SIL1: variants seen among roughly 807,000 people sequenced by gnomAD.
SIL1 encodes nucleotide exchange factor SIL1.
Under a neutral mutation model 49.1 loss-of-function variants are expected in SIL1, and 40 were observed. The observed-to-expected ratio is 0.81, with a 90% CI of 0.63 to 1.06. SIL1 has a LOEUF of 1.06. Among genes scored for constraint, SIL1 ranks in the 50% least tolerant of loss-of-function variants. The probability of loss-of-function intolerance (pLI) is 0.00; values close to 1 mark genes in which losing one functional copy is unlikely to be tolerated. For missense variants in SIL1, 500 were observed against 572.6 expected (o/e 0.87, Z 1.29); for synonymous variants, 253 against 250.8 (o/e 1.01, Z -0.08).
chr5:139,112,441 G>A (rs1389359478), intron 3 of SIL1, among the ~76,000 whole-genome samples: 2 of 151,076 alleles, frequency 1.3e-5, no homozygotes, highest in Non-Finnish European at 2.9e-5. Context: ...GATGTAGGGA[G>A]CGCCTCTGCC....
In SIL1 at chr5:139,054,174, G is replaced by C. The variant is rs181271623; in HGVS notation, c.245-3128C>G. ...CTCACACCTGTAATTCCAGCACTTT[G>C]GGAGGCCAAGGCAAGTGGATCACTT... On this transcript the variant is annotated intron_variant, in intron 3 of 9. Transcript: ENST00000394817. Among the ~76,000 whole-genome samples, 323 of 152,268 alleles carry C rather than the reference G, an allele frequency of 2.1e-3. 1 individual carries two copies. Among genetic ancestry groups the C allele is most frequent in the African/African-American group, 7.4e-3 (308 of 41,556 alleles).
chr5:139,102,172 A>G (rs1408649597), intron 3 of SIL1, among the ~76,000 whole-genome samples: 4 of 152,236 alleles, frequency 2.6e-5, no homozygotes, highest in Non-Finnish European at 5.9e-5. Flanking sequence ...TGGTATATTC[A>G]TACACTTGAA....
chr5:138,967,474 G>A (rs756162181), intron 7 of SIL1, among the ~76,000 whole-genome samples: 1 of 152,216 alleles, frequency 6.6e-6, no homozygotes, highest in Non-Finnish European at 1.5e-5. Flanking sequence ...GAAGACCCAG[G>A]CCGTGAGGGC....
At chr5:139,073,268 T>C (rs1769875481) in intron 3 of SIL1, among the ~76,000 whole-genome samples, 1 of 152,216 alleles carries the variant, frequency 6.6e-6, no homozygotes, top group Non-Finnish European at 1.5e-5. Flanking sequence ...GTTTACTACG[T>C]TATTCACAAT....
chr5:139,148,655 T>C (rs1169080630), intron 1 of SIL1, among the ~76,000 whole-genome samples: 1 of 152,158 alleles, frequency 6.6e-6, no homozygotes, highest in African/African-American at 2.4e-5. Flanking sequence ...TCCCACCGGG[T>C]CATGAATAAG....
chr5:139,112,797 G>A (rs1219437519), intron 3 of SIL1, among the ~76,000 whole-genome samples: 3 of 152,198 alleles, frequency 2.0e-5, no homozygotes, highest in Non-Finnish European at 2.9e-5. Context: ...TCTGGGAGGT[G>A]CACCCAACAG....
chr5:139,149,695 T>G (rs1251391041), intron 1 of SIL1, among the ~76,000 whole-genome samples: 3 of 152,014 alleles, frequency 2.0e-5, no homozygotes, highest in Non-Finnish European at 2.9e-5. Context: ...CTTTGATGAT[T>G]AAAAGAGGAA....
rs1004199330 is a variant in SIL1, at chr5:138,951,474, C to T, written c.865-139G>A. ...CCTCAGTTACAGCTATACCCCAGAA[C>T]CCAGGACTGTGAGGCCAGGAGGGAC... On this transcript the variant is annotated intron_variant, in intron 8 of 9. Coordinates refer to ENST00000394817, the MANE Select transcript of SIL1 (RefSeq NM_022464.5). 8 of 874,390 alleles carry T rather than the reference C, an allele frequency of 9.1e-6. No individual in the cohort carries two copies. In the African/African-American group the frequency reaches 1.3e-4, roughly 15 times the overall value. The allele number at this position is 874,390 out of a possible 1,614,324, so 54.2% of individuals were successfully genotyped here. A position where few individuals can be genotyped will look rare whatever the true frequency, so the allele number is the denominator to read the frequency against.
intron 5 of SIL1, among the ~76,000 whole-genome samples, chr5:139,040,120 T>C (rs1435029723): frequency 6.6e-6 from 1 of 152,202 alleles, no homozygotes; most frequent in African/African-American, 2.4e-5. Context: ...AGACACCACA[T>C]AGGCTAGGTT....
chr5:139,026,154 A>C (rs898874408), intron 6 of SIL1, among the ~76,000 whole-genome samples: 2 of 152,166 alleles, frequency 1.3e-5, no homozygotes, highest in African/African-American at 4.8e-5. Context: ...CCTCATTACA[A>C]TCTTAAATTA....
At chr5:139,186,339 CAA>C in intron 1 of SIL1, among the ~76,000 whole-genome samples, 1 of 152,144 alleles carries the variant, frequency 6.6e-6, no homozygotes, top group East Asian at 1.9e-4. Context: ...CAAACGCCCT[CAA>C]AAGTTTTCAA....
intron 5 of SIL1, chr5:139,034,467 G>A (rs2150439177): frequency 6.6e-6 from 1 of 151,402 alleles, no homozygotes; most frequent in East Asian, 1.9e-4. Flanking sequence ...ATTCCTTTTT[G>A]GATTACCTAT....
intron 1 of SIL1, among the ~76,000 whole-genome samples, chr5:139,170,749 C>G (rs995340202): frequency 5.9e-5 from 9 of 151,722 alleles, no homozygotes; most frequent in Admixed American, 2.0e-4. Context: ...CGTCTCCGCC[C>G]GGCAGCCACC....
chr5:138,998,444 A>C (rs1314149457), intron 7 of SIL1, among the ~76,000 whole-genome samples: 1 of 152,214 alleles, frequency 6.6e-6, no homozygotes, highest in Non-Finnish European at 1.5e-5. Context: ...CTGGGATAAT[A>C]AGCGTGAGCC....
intron 1 of SIL1, among the ~76,000 whole-genome samples, chr5:139,183,368 G>A (rs1177498122): frequency 6.6e-6 from 1 of 152,204 alleles, no homozygotes; most frequent in East Asian, 1.9e-4. Flanking sequence ...GTCCTTAGAA[G>A]CAAATGAGCC....
chr5:138,979,759 G>A (rs1290120595), intron 7 of SIL1, among the ~76,000 whole-genome samples: 1 of 152,208 alleles, frequency 6.6e-6, no homozygotes, highest in Non-Finnish European at 1.5e-5. Context: ...TTGCCAGGAG[G>A]CAGGGGTGAA....
intron 9 of SIL1, among the ~76,000 whole-genome samples, 154 bp downstream of exon 9, chr5:138,951,017 C>T (rs1766759104): frequency 6.6e-6 from 1 of 152,216 alleles, no homozygotes; most frequent in African/African-American, 2.4e-5. Flanking sequence ...TCCCTGACGT[C>T]CCCAATCTCT....
chr5:138,985,590 C>T (rs549684635), intron 7 of SIL1, among the ~76,000 whole-genome samples: 2 of 152,324 alleles, frequency 1.3e-5, no homozygotes, highest in South Asian at 4.1e-4. Context: ...TCAGGGCACA[C>T]TTCTCAAGCC....
chr5:138,982,227 G>A (rs1164425548), intron 7 of SIL1, among the ~76,000 whole-genome samples: 1 of 152,118 alleles, frequency 6.6e-6, no homozygotes, highest in East Asian at 1.9e-4. Context: ...GTAAACTTTT[G>A]TCAAATGAGC....
Sources: gnomAD v4.1 joint callset for allele counts (sites outside exome capture counted in the v4.1 genomes callset) on GRCh38, gnomAD v4.1.1 for gene constraint, MANE v1.5 for transcripts, NCBI Gene and HGNC (gene_info 2026-07-23, HGNC 2026-07-21) for gene names.